Variants in PDE3A observed in about 807,000 individuals in gnomAD.
The protein encoded by PDE3A is phosphodiesterase 3A, also known as cGMP-inhibited 3',5'-cyclic phosphodiesterase 3A.
In PDE3A, 43 loss-of-function variants were observed where a neutral mutation model predicts 98.3. The observed-to-expected ratio is 0.44, with a 90% CI of 0.34 to 0.56. PDE3A has a LOEUF of 0.56. PDE3A is among the 20% of genes least tolerant of loss of function. The pLI, the probability that PDE3A is intolerant of heterozygous loss-of-function variation, is 0.01. For missense variants in PDE3A, 1,427 were observed against 1,440.7 expected, an observed-to-expected ratio of 0.99 and a Z score of 0.15; for synonymous variants, 663 against 567.9, an observed-to-expected ratio of 1.17 and a Z score of -2.38.
At chr12:20,544,165 C>T (rs1941994410) in intron 1 of PDE3A, among the ~76,000 whole-genome samples, 1 of 148,836 alleles carries the variant, frequency 6.7e-6, no homozygotes, top group Admixed American at 6.8e-5. Flanking sequence ...AAATATAAAA[C>T]ATTATATATA....
At chr12:20,558,462 A>G (rs1696861805) in intron 2 of PDE3A, among the ~76,000 whole-genome samples, 1 of 152,014 alleles carries the variant, frequency 6.6e-6, no homozygotes. Context: ...CTTAACCAGC[A>G]AAATAGCTAT....
chr12:20,462,116 T>G (rs927408830), intron 1 of PDE3A, among the ~76,000 whole-genome samples: 2 of 152,186 alleles, frequency 1.3e-5, no homozygotes, highest in Admixed American at 6.5e-5. Flanking sequence ...GTTGAAAATA[T>G]GAGAAAAGTG....
chr12:20,474,698 G>T (rs1945498137), intron 1 of PDE3A, among the ~76,000 whole-genome samples: 2 of 152,132 alleles, frequency 1.3e-5, no homozygotes, highest in African/African-American at 2.4e-5. Context: ...AAAGGCAGCA[G>T]TTTAGCATCT....
chr12:20,684,840 T>C lies in PDE3A; in HGVS notation c.*4569T>C, dbSNP rs1945909335. Among the ~76,000 whole-genome samples the C allele has an allele frequency of 6.6e-6, 1 of 152,210 alleles. No individual in the cohort carries two copies. Among genetic ancestry groups the C allele is most frequent in the African/African-American group, 2.4e-5 (1 of 41,456 alleles). On this transcript the variant is annotated 3_prime_UTR_variant, in exon 16 of 16. Transcript: ENST00000359062. ...TGGGAATGAATTACACTACAAACAATGAGTTGAGCTAAAAACTATACATAA... is the reference window on the plus strand; with the variant it reads ...TGGGAATGAATTACACTACAAACAACGAGTTGAGCTAAAAACTATACATAA...
intron 15 of PDE3A, among the ~76,000 whole-genome samples, chr12:20,655,765 G>GT (rs1945028030): frequency 6.6e-6 from 1 of 152,132 alleles, no homozygotes; most frequent in Admixed American, 6.5e-5. Flanking sequence ...CATTTTAACT[G>GT]GACTGCTTCA....
intron 1 of PDE3A, among the ~76,000 whole-genome samples, chr12:20,400,431 G>T: frequency 9.5e-6 from 1 of 105,364 alleles, no homozygotes; most frequent in Non-Finnish European, 1.8e-5. Flanking sequence ...TTTTGAGATG[G>T]AGTCTCGATC....
At chr12:20,675,653 A>G (rs1377122436) in intron 15 of PDE3A, among the ~76,000 whole-genome samples, 1 of 152,268 alleles carries the variant, frequency 6.6e-6, no homozygotes, top group East Asian at 1.9e-4. Context: ...GTATTGGTGC[A>G]TATATGTTTA....
chr12:20,438,659 C>T (rs950698242), intron 1 of PDE3A, among the ~76,000 whole-genome samples: 2 of 152,110 alleles, frequency 1.3e-5, no homozygotes, highest in African/African-American at 4.8e-5. Context: ...TTTCCTCTGA[C>T]ACAACTAGAG....
chr12:20,505,753 C>G (rs1946105480), intron 1 of PDE3A, among the ~76,000 whole-genome samples: 1 of 151,948 alleles, frequency 6.6e-6, no homozygotes, highest in Non-Finnish European at 1.5e-5. Flanking sequence ...CTAAATAATT[C>G]TAAATATATT....
chr12:20,649,458 AT>A (rs2121517324), intron 13 of PDE3A, among the ~76,000 whole-genome samples: 1 of 152,248 alleles, frequency 6.6e-6, no homozygotes, highest in African/African-American at 2.4e-5. Context: ...ACATTCTGTC[AT>A]TGTGGTTTTT....
At chr12:20,581,780 T>C (rs1402061996) in intron 2 of PDE3A, among the ~76,000 whole-genome samples, 1 of 151,686 alleles carries the variant, frequency 6.6e-6, no homozygotes, top group Non-Finnish European at 1.5e-5. Flanking sequence ...GCCCGGCTAA[T>C]TTTTTGTATT....
chr12:20,553,970 C>T (rs542775573), intron 1 of PDE3A, among the ~76,000 whole-genome samples: 18 of 151,844 alleles, frequency 1.2e-4, no homozygotes, highest in African/African-American at 4.1e-4. Context: ...CAAGTGAGAA[C>T]TTACAAGAGG....
At chr12:20,452,030 C>T (rs1945074155) in intron 1 of PDE3A, among the ~76,000 whole-genome samples, 1 of 152,170 alleles carries the variant, frequency 6.6e-6, no homozygotes, top group South Asian at 2.1e-4. Flanking sequence ...CCAAAATGCT[C>T]TGCTCCGATA....
intron 6 of PDE3A, among the ~76,000 whole-genome samples, chr12:20,630,754 T>C (rs1216089666): frequency 6.6e-6 from 1 of 152,216 alleles, no homozygotes; most frequent in Admixed American, 6.5e-5. Context: ...GAAATAATTA[T>C]CTCTTCTTAC....
chr12:20,645,172 AGCCACT>A (rs141762417), intron 10 of PDE3A, among the ~76,000 whole-genome samples: 12,523 of 152,166 alleles, frequency 0.082, 630 homozygotes, highest in Middle Eastern at 0.14. Flanking sequence ...TACAGGCATG[AGCCACT>A]GCACCTGGCC....
intron 14 of PDE3A, among the ~76,000 whole-genome samples, chr12:20,651,970 C>T (rs954223720): frequency 3.3e-5 from 5 of 151,232 alleles, no homozygotes; most frequent in African/African-American, 1.2e-4. Context: ...TTCCTCTGTC[C>T]ATGTGTTCTC....
rs774067766 is a variant in PDE3A at position 20,369,288 on chromosome 12, G to A, written c.4G>A (p.Ala2Thr). The change falls in exon 1 of 16, where the codon GCA becomes ACA. Residue 2 changes from alanine (A) to threonine (T), a missense_variant. Transcript: ENST00000359062. ...AGTGAAGAGGGCACCCTATACCATG[G>A]CAGTGCCCGGCGACGCTGCACGAGT... is the stretch of plus-strand genomic sequence containing the variant. MAVPGDAARVRD... is the reference protein window; with the variant it reads MTVPGDAARVRD... 15 of 1,515,226 alleles carry A rather than the reference G, an allele frequency of 9.9e-6. No individual in the cohort carries two copies. Among genetic ancestry groups the A allele is most frequent in the Middle Eastern group, 1.9e-4 (1 of 5,288 alleles). 93.9% of individuals were successfully genotyped at this position (1,515,226 alleles called of 1,614,324 possible). A position where few individuals can be genotyped will look rare whatever the true frequency, so the allele number is the denominator to read the frequency against.
intron 1 of PDE3A, among the ~76,000 whole-genome samples, chr12:20,462,669 A>G (rs1291314238): frequency 6.6e-6 from 1 of 152,066 alleles, no homozygotes; most frequent in African/African-American, 2.4e-5. Context: ...GTTATTTTCA[A>G]TGTCTGAAGT....
intron 15 of PDE3A, among the ~76,000 whole-genome samples, chr12:20,661,692 T>C (rs1945174460): frequency 6.6e-6 from 1 of 152,180 alleles, no homozygotes; most frequent in African/African-American, 2.4e-5. Flanking sequence ...GTGTTGAGCC[T>C]GTGAGTAAAC....
Sources: gnomAD v4.1 joint callset for allele counts (sites outside exome capture counted in the v4.1 genomes callset) on GRCh38, gnomAD v4.1.1 for gene constraint, MANE v1.5 for transcripts, NCBI Gene and HGNC (gene_info 2026-07-23, HGNC 2026-07-21) for gene names.